Variants in GRID2 observed in about 807,000 individuals in gnomAD.
The protein encoded by GRID2 is glutamate ionotropic receptor delta type subunit 2.
In GRID2, 33 loss-of-function variants were observed where a neutral mutation model predicts 114.8. That is an observed-to-expected ratio of 0.29 (90% CI 0.22 to 0.38). The LOEUF is 0.38. Ranked by LOEUF, GRID2 falls within the 10% of genes least tolerant of loss-of-function variation. GRID2 has a pLI of 1.00. For missense variants in GRID2, 1,184 were observed against 1,257.7 expected (o/e 0.94, Z 0.89); for synonymous variants, 505 against 449.9 (o/e 1.12, Z -1.55).
intron 8 of GRID2, among the ~76,000 whole-genome samples, chr4:93,266,174 C>T (rs776591280): frequency 6.6e-6 from 1 of 152,156 alleles, no homozygotes; most frequent in Non-Finnish European, 1.5e-5. Context: ...GAGAGAAGTA[C>T]ATGTACACTC....
At chr4:92,503,592 T>C (rs1472808369) in intron 1 of GRID2, among the ~76,000 whole-genome samples, 3 of 152,164 alleles carry the variant, frequency 2.0e-5, no homozygotes, top group Non-Finnish European at 4.4e-5. Context: ...CTCAATCCAA[T>C]GCATCATTCA....
intron 1 of GRID2, among the ~76,000 whole-genome samples, chr4:92,430,516 T>C (rs1404385188): frequency 6.6e-6 from 1 of 152,204 alleles, no homozygotes; most frequent in Non-Finnish European, 1.5e-5. Flanking sequence ...AATAGCTCTG[T>C]AGTATTATTT....
At chr4:93,295,858 G>C (rs1486996104) in intron 8 of GRID2, among the ~76,000 whole-genome samples, 1 of 152,166 alleles carries the variant, frequency 6.6e-6, no homozygotes, top group South Asian at 2.1e-4. Flanking sequence ...ACCAACTAAA[G>C]GATAAATGGA....
chr4:93,792,080 A>G (rs1225398146), intron 1 of GRID2, among the ~76,000 whole-genome samples: 2 of 152,186 alleles, frequency 1.3e-5, no homozygotes, highest in Non-Finnish European at 2.9e-5. Context: ...TTCTTAGTTC[A>G]TAAAAATAAA....
At chr4:93,614,122 T>G (rs907236000) in intron 13 of GRID2, among the ~76,000 whole-genome samples, 4 of 152,324 alleles carry the variant, frequency 2.6e-5, no homozygotes, top group Non-Finnish European at 2.9e-5. Context: ...GGGAACTCCC[T>G]GACCCCTTGC....
intron 9 of GRID2, among the ~76,000 whole-genome samples, chr4:93,415,880 A>T (rs1767654050): frequency 6.6e-6 from 1 of 152,074 alleles, no homozygotes; most frequent in Non-Finnish European, 1.5e-5. Context: ...AGAAGATGTA[A>T]GGATTTAAGA....
At chr4:92,639,771 T>C (rs1731255644) in intron 2 of GRID2, among the ~76,000 whole-genome samples, 2 of 151,758 alleles carry the variant, frequency 1.3e-5, no homozygotes, top group South Asian at 4.1e-4. Flanking sequence ...TTGTACCTTA[T>C]AAAGTTATAC....
intron 2 of GRID2, among the ~76,000 whole-genome samples, chr4:92,937,071 T>A (rs1421410068): frequency 6.8e-6 from 1 of 146,674 alleles, no homozygotes; most frequent in African/African-American, 2.4e-5. Flanking sequence ...CTTTATACTT[T>A]CTGCATACTA....
chr4:93,199,682 G>A (rs777358278), intron 4 of GRID2, among the ~76,000 whole-genome samples: 6 of 152,152 alleles, frequency 3.9e-5, no homozygotes, highest in Non-Finnish European at 8.8e-5. Flanking sequence ...AGACAGTTGA[G>A]GATCCATGCT....
At chr4:92,909,805 A>G (rs893011535) in intron 2 of GRID2, among the ~76,000 whole-genome samples, 2 of 152,180 alleles carry the variant, frequency 1.3e-5, no homozygotes, top group Non-Finnish European at 2.9e-5. Context: ...TCAATAGATC[A>G]TGCTCTATGT....
intron 2 of GRID2, among the ~76,000 whole-genome samples, chr4:93,050,375 T>G (rs1295601728): frequency 6.6e-6 from 1 of 152,042 alleles, no homozygotes; most frequent in African/African-American, 2.4e-5. Flanking sequence ...CCTCAGTCTT[T>G]TATACTCCTC....
intron 13 of GRID2, among the ~76,000 whole-genome samples, chr4:93,533,256 TCCTTCCTTCCTTCCTTCCTTC>T (rs1228049722): frequency 3.1e-3 from 62 of 20,276 alleles, no homozygotes; most frequent in Non-Finnish European, 6.0e-3. Context: ...CTTCCTTCCT[TCCTTCCTTCCTTCCTTCCTTC>T]CTTCCTTCCT....
chr4:93,509,714 A>G (rs1728981617), intron 12 of GRID2, among the ~76,000 whole-genome samples: 2 of 152,134 alleles, frequency 1.3e-5, no homozygotes, highest in African/African-American at 2.4e-5. Context: ...AGTTGGCAGT[A>G]CCTCTTGGGG....
intron 1 of GRID2, among the ~76,000 whole-genome samples, chr4:92,505,082 A>G (rs553831303): frequency 1.3e-5 from 2 of 152,148 alleles, no homozygotes; most frequent in Admixed American, 1.3e-4. Context: ...GAGTTAATCT[A>G]CAAAACTTGA....
At chr4:93,586,493 A>G (rs539721528) in intron 13 of GRID2, among the ~76,000 whole-genome samples, 2 of 152,264 alleles carry the variant, frequency 1.3e-5, no homozygotes, top group Middle Eastern at 6.8e-3. Flanking sequence ...ATCAATAATA[A>G]TGGTGATTGC....
chr4:92,360,633 A>T (rs1728571720), intron 1 of GRID2, among the ~76,000 whole-genome samples: 2 of 152,036 alleles, frequency 1.3e-5, no homozygotes, highest in Non-Finnish European at 2.9e-5. Flanking sequence ...CAACGGTATC[A>T]TGGAGGCTTC....
chr4:93,725,591 G>A (rs1181724135), intron 14 of GRID2, among the ~76,000 whole-genome samples: 1 of 151,044 alleles, frequency 6.6e-6, no homozygotes, highest in Non-Finnish European at 1.5e-5. Flanking sequence ...CTAGTTGACA[G>A]TCCCACCAAC....
intron 1 of GRID2, among the ~76,000 whole-genome samples, chr4:92,560,950 C>G (rs1727076746): frequency 6.6e-6 from 1 of 152,088 alleles, no homozygotes; most frequent in Non-Finnish European, 1.5e-5. Flanking sequence ...TCAGGTGATC[C>G]ACCCGCCTCA....
At chr4:92,668,674 G>A (rs1031733875) in intron 2 of GRID2, among the ~76,000 whole-genome samples, 2 of 151,812 alleles carry the variant, frequency 1.3e-5, no homozygotes, top group African/African-American at 4.8e-5. Flanking sequence ...AGTAGAGACA[G>A]ATGTAGTACA....
Sources: gnomAD v4.1 joint callset for allele counts (sites outside exome capture counted in the v4.1 genomes callset) on GRCh38, gnomAD v4.1.1 for gene constraint, MANE v1.5 for transcripts, NCBI Gene and HGNC (gene_info 2026-07-23, HGNC 2026-07-21) for gene names.